The following KIAA1549L variants were observed in gnomAD, a reference collection of about 807,000 sequenced individuals.
The protein encoded by KIAA1549L is UPF0606 protein KIAA1549L.
In KIAA1549L, 88 loss-of-function variants were observed where a neutral mutation model predicts 160.7. The observed-to-expected ratio is 0.55, with a 90% confidence interval of 0.46 to 0.65. The LOEUF is 0.65. Among genes scored for constraint, KIAA1549L ranks in the 30% least tolerant of loss-of-function variants. The pLI is 0.00. For missense variants in KIAA1549L, 2,258 were observed against 2,437.5 expected, an observed-to-expected ratio of 0.93 and a Z score of 1.55; for synonymous variants, 950 against 976.7, an observed-to-expected ratio of 0.97 and a Z score of 0.51.
At chr11:33,570,401 T>G (rs1195070414) in intron 9 of KIAA1549L, among the ~76,000 whole-genome samples, 2 of 152,260 alleles carry the variant, frequency 1.3e-5, no homozygotes, top group East Asian at 3.9e-4. Context: ...AATCCCTGAT[T>G]TACAGAGGGT....
At chr11:33,631,796 T>TC (rs1851296725) in intron 16 of KIAA1549L, among the ~76,000 whole-genome samples, 1 of 152,300 alleles carries the variant, frequency 6.6e-6, no homozygotes, top group South Asian at 2.1e-4. Context: ...TTGTGTTATT[T>TC]CCCCATGCAA....
chr11:33,624,391 T>C (rs973905215), intron 16 of KIAA1549L, among the ~76,000 whole-genome samples: 1 of 152,256 alleles, frequency 6.6e-6, no homozygotes, highest in Admixed American at 6.5e-5. Flanking sequence ...TATGTACTCC[T>C]GGGCCACCTA....
chr11:33,572,257 G>A (rs950688960), intron 9 of KIAA1549L, among the ~76,000 whole-genome samples: 12 of 151,928 alleles, frequency 7.9e-5, no homozygotes, highest in African/African-American at 2.2e-4. Context: ...GGGTGGTCTC[G>A]AACTCCTGAC....
chr11:33,618,700 T>G (rs1333871398), intron 16 of KIAA1549L, 38 bp downstream of exon 16: 1 of 1,513,438 alleles, frequency 6.6e-7, no homozygotes, highest in Non-Finnish European at 8.9e-7. Context: ...CAAGCTTTCC[T>G]TTCCCCTGAA....
chr11:33,540,041 T>C (rs1853980417), intron 1 of KIAA1549L, among the ~76,000 whole-genome samples: 4 of 152,232 alleles, frequency 2.6e-5, no homozygotes, highest in African/African-American at 7.2e-5. Flanking sequence ...AGAGACTGCC[T>C]TTCTTCACTT....
At chr11:33,554,694 G>A (rs868520977) in intron 6 of KIAA1549L, among the ~76,000 whole-genome samples, 8 of 152,188 alleles carry the variant, frequency 5.3e-5, no homozygotes, top group Admixed American at 5.2e-4. Context: ...TCTGGGCCAA[G>A]GAGGTTAAAT....
chr11:33,445,227 C>T (rs990062365), intron 1 of KIAA1549L, among the ~76,000 whole-genome samples: 1 of 152,154 alleles, frequency 6.6e-6, no homozygotes, highest in Non-Finnish European at 1.5e-5. Flanking sequence ...TATCCCAAAC[C>T]TCTGTTGTGG....
At chr11:33,638,426 A>T (rs1479265950) in intron 16 of KIAA1549L, among the ~76,000 whole-genome samples, 12 of 17,886 alleles carry the variant, frequency 6.7e-4, no homozygotes, top group Admixed American at 2.6e-3. Context: ...AATAAATAAA[A>T]AAAAAAAAAA....
intron 1 of KIAA1549L, among the ~76,000 whole-genome samples, chr11:33,521,032 T>C (rs983337472): frequency 1.3e-5 from 2 of 151,510 alleles, no homozygotes; most frequent in African/African-American, 4.8e-5. Flanking sequence ...CTGGGCATGG[T>C]GGCACATGCC....
intron 1 of KIAA1549L, among the ~76,000 whole-genome samples, chr11:33,520,481 C>T (rs1853456544): frequency 6.6e-6 from 1 of 151,794 alleles, no homozygotes; most frequent in Non-Finnish European, 1.5e-5. Flanking sequence ...GCTCTATGAG[C>T]TCATGGACCA....
intron 16 of KIAA1549L, among the ~76,000 whole-genome samples, chr11:33,636,596 T>G (rs370160385): frequency 4.5e-4 from 69 of 152,128 alleles, no homozygotes; most frequent in African/African-American, 1.6e-3. Context: ...CTCCCAAAGT[T>G]CTGGGATTAC....
intron 1 of KIAA1549L, among the ~76,000 whole-genome samples, chr11:33,499,702 T>C (rs1852901110): frequency 6.6e-6 from 1 of 152,172 alleles, no homozygotes; most frequent in Non-Finnish European, 1.5e-5. Flanking sequence ...AGCCCATCAT[T>C]TCATCACATT....
chr11:33,434,655 A>G (rs1961185), intron 1 of KIAA1549L, among the ~76,000 whole-genome samples: 38,824 of 152,118 alleles, frequency 0.26, 5,245 homozygotes, highest in African/African-American at 0.33. Context: ...TGGGTCACTC[A>G]ATAAATGGGC....
intron 1 of KIAA1549L, among the ~76,000 whole-genome samples, chr11:33,382,736 T>C (rs1200753661): frequency 6.6e-6 from 1 of 152,148 alleles, no homozygotes; most frequent in Non-Finnish European, 1.5e-5. Context: ...GCCTCCCATC[T>C]CATCCTTCCC....
At chr11:33,637,623 G>A (rs539852182) in intron 16 of KIAA1549L, among the ~76,000 whole-genome samples, 11 of 152,342 alleles carry the variant, frequency 7.2e-5, no homozygotes, top group African/African-American at 2.6e-4. Flanking sequence ...CTAGATCAAA[G>A]TGTTGGTAGG....
At chr11:33,552,679 CACACACACACACACACACACACACAT>C (rs1237109061) in intron 6 of KIAA1549L, among the ~76,000 whole-genome samples, 1 of 147,726 alleles carries the variant, frequency 6.8e-6, no homozygotes, top group Non-Finnish European at 1.5e-5. Context: ...CACACACACA[CACACACACACACACACACACACACAT>C]GCGTTTTATA....
At chr11:33,398,950 G>GTTTTTTTTTTTTTTTTTTTT (rs71034680) in intron 1 of KIAA1549L, among the ~76,000 whole-genome samples, 1 of 140,012 alleles carries the variant, frequency 7.1e-6, no homozygotes, top group Non-Finnish European at 1.6e-5. Context: ...TCCAGTGAGT[G>GTTTTTTTTTTTTTTTTTTTT]TTTTTTTTTT....
chr11:33,421,497 C>T (rs374595647), intron 1 of KIAA1549L, among the ~76,000 whole-genome samples: 13 of 152,292 alleles, frequency 8.5e-5, no homozygotes, highest in East Asian at 7.7e-4. Flanking sequence ...CTTACAGATG[C>T]GGACCTGCAT....
At chr11:33,618,683 G>A (rs1297098610) in intron 16 of KIAA1549L, 21 bp downstream of exon 16, 2 of 1,542,218 alleles carry the variant, frequency 1.3e-6, no homozygotes, top group Non-Finnish European at 1.8e-6. Context: ...GGTGGGCTGG[G>A]TAAATACAAG....
Sources: gnomAD v4.1 joint callset for allele counts (sites outside exome capture counted in the v4.1 genomes callset) on GRCh38, gnomAD v4.1.1 for gene constraint, MANE v1.5 for transcripts, NCBI Gene and HGNC (gene_info 2026-07-23, HGNC 2026-07-21) for gene names.